Variants in ACYP2 observed in about 807,000 individuals in gnomAD.
ACYP2 encodes the protein acylphosphatase 2.
In ACYP2, 12 loss-of-function variants were observed where a neutral mutation model predicts 11.2. The observed-to-expected ratio is 1.08, with a 90% CI of 0.69 to 1.74. The LOEUF is 1.74. Among genes scored for constraint, ACYP2 ranks in the 40% most tolerant of loss-of-function variants. The probability of loss-of-function intolerance (pLI) is 0.00; values close to 1 mark genes in which losing one functional copy is unlikely to be tolerated. For missense variants in ACYP2, 134 were observed against 101.9 expected (o/e 1.31, Z -1.35); for synonymous variants, 43 against 32.2 (o/e 1.33, Z -1.13).
chr2:54,083,447 T>G (rs1040873177), intron 4 of ACYP2, among the ~76,000 whole-genome samples: 3 of 152,236 alleles, frequency 2.0e-5, no homozygotes. Flanking sequence ...TTCCCACAGC[T>G]GACCCAAAAT....
intron 1 of ACYP2, among the ~76,000 whole-genome samples, chr2:53,972,102 G>A (rs1463686328): frequency 1.3e-5 from 2 of 151,894 alleles, no homozygotes; most frequent in African/African-American, 4.8e-5. Context: ...GAGGTCAGGA[G>A]TTCGAGACCA....
intron 4 of ACYP2, among the ~76,000 whole-genome samples, chr2:54,078,480 T>C (rs534493969): frequency 4.6e-5 from 7 of 151,442 alleles, no homozygotes; most frequent in Non-Finnish European, 1.0e-4. Context: ...GTACAACTCA[T>C]TGGAAGCTAT....
chr2:54,279,358 T>C (rs1688746361), intron 6 of ACYP2, among the ~76,000 whole-genome samples: 1 of 152,210 alleles, frequency 6.6e-6, no homozygotes, highest in African/African-American at 2.4e-5. Flanking sequence ...CAAGGCTATA[T>C]GGACCACAAG....
chr2:54,180,982 G>T (rs1427347525), intron 6 of ACYP2, among the ~76,000 whole-genome samples: 3 of 152,158 alleles, frequency 2.0e-5, no homozygotes, highest in Non-Finnish European at 4.4e-5. Flanking sequence ...TTCAAGATAG[G>T]AATTTTAGAG....
intron 6 of ACYP2, among the ~76,000 whole-genome samples, chr2:54,204,750 T>C (rs1490741738): frequency 6.6e-6 from 1 of 152,216 alleles, no homozygotes; most frequent in Non-Finnish European, 1.5e-5. Flanking sequence ...ATTTGATTAT[T>C]GCTTCTGCTC....
At chr2:54,121,160 T>G (rs1416806508) in intron 4 of ACYP2, among the ~76,000 whole-genome samples, 1 of 152,088 alleles carries the variant, frequency 6.6e-6, no homozygotes, top group African/African-American at 2.4e-5. Context: ...GAGAAGAATT[T>G]TATTGACTGA....
intron 2 of ACYP2, among the ~76,000 whole-genome samples, chr2:54,044,607 C>CA (rs113761874): frequency 0.073 from 10,501 of 143,520 alleles, 480 homozygotes; most frequent in East Asian, 0.28. Flanking sequence ...CCGCCCCTCT[C>CA]AAAAAAAAAA....
At chr2:54,119,475 A>G (rs879267573) in intron 4 of ACYP2, among the ~76,000 whole-genome samples, 5 of 152,238 alleles carry the variant, frequency 3.3e-5, no homozygotes, top group East Asian at 3.8e-4. Flanking sequence ...CAATGGAAGA[A>G]CCTATAATTG....
intron 6 of ACYP2, among the ~76,000 whole-genome samples, chr2:54,217,773 G>A (rs879233080): frequency 6.6e-5 from 10 of 152,140 alleles, no homozygotes; most frequent in South Asian, 4.1e-4. Context: ...AGAGTATTAC[G>A]TAGATAATTG....
rs554629005 is a variant in ACYP2, at chr2:54,121,470, C to T, written c.278-13983C>T. ...TGTCCCTGTCTACCGAGGAATTTGT[C>T]TGTTTCCTACTGCTATAACTGAGAT... On this transcript the variant is annotated intron_variant, in intron 4 of 6. Transcript: ENST00000607452. Among the ~76,000 whole-genome samples, 5 of 152,318 alleles carry T rather than the reference C, an allele frequency of 3.3e-5. No individual in the cohort carries two copies. In the East Asian group the frequency reaches 9.6e-4, roughly 29 times the overall value.
At chr2:54,062,783 C>T (rs1441529997) in intron 4 of ACYP2, among the ~76,000 whole-genome samples, 1 of 152,108 alleles carries the variant, frequency 6.6e-6, no homozygotes, top group Non-Finnish European at 1.5e-5. Context: ...AAAGTAAACT[C>T]GTAGAATTTT....
intron 2 of ACYP2, among the ~76,000 whole-genome samples, chr2:53,994,090 G>A: frequency 6.6e-6 from 1 of 152,226 alleles, no homozygotes; most frequent in East Asian, 1.9e-4. Context: ...CAGCACTTTG[G>A]GAGTCCAAGG....
intron 6 of ACYP2, among the ~76,000 whole-genome samples, chr2:54,195,794 G>GTTTTTGTTTT (rs1442057879): frequency 8.4e-5 from 7 of 83,134 alleles, no homozygotes; most frequent in Admixed American, 1.3e-4. Flanking sequence ...TTTGTTGTGG[G>GTTTTTGTTTT]TTTTTTTTTT....
Position 54,118,015 on chromosome 2 carries a change from A to G in ACYP2, c.278-17438A>G, listed in dbSNP as rs186978163. Among the ~76,000 whole-genome samples the G allele has an allele frequency of 8.9e-4, 136 of 152,346 alleles. 1 individual carries two copies. Among genetic ancestry groups the G allele is most frequent in the Admixed American group, 2.2e-3 (33 of 15,298 alleles). ...TTAGCTCCCACTTAGAAGTGAGAAC[A>G]TAGAATGTTTAGTTTTCCATTCATG... is the stretch of plus-strand genomic sequence containing the variant. On this transcript the variant is annotated intron_variant, in intron 4 of 6. Coordinates refer to ENST00000607452, the MANE Select transcript of ACYP2 (RefSeq NM_001320586.2).
chr2:53,981,961 C>T (rs945831606), intron 2 of ACYP2, among the ~76,000 whole-genome samples: 2 of 152,158 alleles, frequency 1.3e-5, no homozygotes, highest in African/African-American at 4.8e-5. Context: ...AATTTTTCAG[C>T]ACCACCAAAG....
chr2:54,055,981 T>C (rs1403660472), intron 3 of ACYP2, among the ~76,000 whole-genome samples: 1 of 152,206 alleles, frequency 6.6e-6, no homozygotes, highest in Non-Finnish European at 1.5e-5. Context: ...TGTAAATAGA[T>C]TTCTTTCACT....
At chr2:54,294,232 G>T (rs1029626747) in intron 6 of ACYP2, among the ~76,000 whole-genome samples, 2 of 152,090 alleles carry the variant, frequency 1.3e-5, no homozygotes, top group Non-Finnish European at 2.9e-5. Context: ...TTAGTTAAAT[G>T]GAATTTTTTA....
intron 2 of ACYP2, among the ~76,000 whole-genome samples, chr2:54,022,756 C>T (rs1674072692): frequency 6.6e-6 from 1 of 152,172 alleles, no homozygotes; most frequent in Non-Finnish European, 1.5e-5. Flanking sequence ...TTCACTGAAG[C>T]AGGTTGTAGG....
chr2:54,190,226 A>G (rs1684185765), intron 6 of ACYP2, among the ~76,000 whole-genome samples: 2 of 151,840 alleles, frequency 1.3e-5, no homozygotes, highest in South Asian at 4.2e-4. Flanking sequence ...AGTCCTATTT[A>G]TTTATTTTTG....
Sources: allele counts gnomAD v4.1 joint callset (sites outside exome capture counted in the v4.1 genomes callset), GRCh38; gene constraint gnomAD v4.1.1; transcripts MANE v1.5; gene names NCBI Gene and HGNC (gene_info 2026-07-23, HGNC 2026-07-21).